The following GRM8 variants were observed in gnomAD, a reference collection of about 807,000 sequenced individuals.
GRM8 encodes the protein glutamate metabotropic receptor 8.
A neutral mutation model predicts 87.2 loss-of-function variants in GRM8; 47 were observed. The ratio of observed to expected loss-of-function variants is 0.54; its 90% CI spans 0.43 to 0.69. GRM8 has a LOEUF of 0.69. Ranked by LOEUF, GRM8 falls within the 30% of genes least tolerant of loss-of-function variation. The pLI is 0.00. For synonymous variants in GRM8, 396 were observed against 404.5 expected (o/e 0.98, Z 0.25); for missense variants, 1,019 against 1,139.2 (o/e 0.89, Z 1.52).
chr7:127,049,909 G>A (rs1396786937), intron 3 of GRM8, among the ~76,000 whole-genome samples: 1 of 152,166 alleles, frequency 6.6e-6, no homozygotes, highest in East Asian at 1.9e-4. Flanking sequence ...TTAGGAGAAA[G>A]AAGAAGTGGG....
At chr7:126,750,266 T>TA (rs1270541926) in intron 7 of GRM8, among the ~76,000 whole-genome samples, 2 of 152,138 alleles carry the variant, frequency 1.3e-5, no homozygotes, top group African/African-American at 2.4e-5. Context: ...TTTTTTAAAT[T>TA]AAAAAAATCT....
Position 127,218,103 on chromosome 7 carries a change from C to T in GRM8, c.510+24592G>A, listed in dbSNP as rs529572157. ...AATGCCCAGTTAATTCTTTCTTATTCACCCTCAAGGAGAGAACCACTACCT... is the reference window on the plus strand; with the variant it reads ...AATGCCCAGTTAATTCTTTCTTATTTACCCTCAAGGAGAGAACCACTACCT... On this transcript the variant is annotated intron_variant, in intron 2 of 10. Coordinates refer to ENST00000339582, the MANE Select transcript of GRM8 (RefSeq NM_000845.3). Among the ~76,000 whole-genome samples the T allele has an allele frequency of 2.0e-5, 3 of 152,332 alleles. No homozygotes were observed. In the South Asian group the frequency reaches 6.2e-4, roughly 32 times the overall value.
chr7:126,530,316 C>T (rs985984466), intron 9 of GRM8, among the ~76,000 whole-genome samples: 7 of 152,204 alleles, frequency 4.6e-5, no homozygotes, highest in African/African-American at 1.4e-4. Flanking sequence ...GTTGGAAATT[C>T]GGTGTCACCA....
intron 3 of GRM8, among the ~76,000 whole-genome samples, chr7:127,032,441 C>G (rs766518710): frequency 1.3e-3 from 203 of 152,224 alleles, no homozygotes; most frequent in Non-Finnish European, 1.3e-3. Context: ...GTCCACACCC[C>G]CATCAGGTCA....
intron 3 of GRM8, among the ~76,000 whole-genome samples, chr7:126,967,397 C>T (rs1014376527): frequency 2.0e-5 from 3 of 152,158 alleles, no homozygotes; most frequent in African/African-American, 7.2e-5. Flanking sequence ...CTATGACTCA[C>T]ATCATCAAAG....
At chr7:126,893,563 C>A (rs1801266801) in intron 6 of GRM8, among the ~76,000 whole-genome samples, 1 of 151,940 alleles carries the variant, frequency 6.6e-6, no homozygotes, top group African/African-American at 2.4e-5. Flanking sequence ...ACTATCTGGC[C>A]ATACATTATA....
chr7:126,633,656 T>C (rs1021739397), intron 7 of GRM8, among the ~76,000 whole-genome samples: 18 of 152,254 alleles, frequency 1.2e-4, no homozygotes, highest in African/African-American at 4.1e-4. Context: ...ACATATCTGT[T>C]TTTTTGAAAA....
rs150516560 is a variant in GRM8 at position 126,685,915 on chromosome 7, C to T, written c.1358-76417G>A. ...CGCATACCAGAAGGTGAACTCGTAG[C>T]GCTTTTCCCTGGGCCCTCGTGGGTG... On this transcript the variant is annotated intron_variant, in intron 7 of 10. Transcript: ENST00000339582. This position sits in a 1 kb window ranked among gnomAD's most constrained non-coding sequence, Gnocchi z 4.2. Among the ~76,000 whole-genome samples, 5 of 152,052 alleles carry T rather than the reference C, an allele frequency of 3.3e-5. No homozygotes were observed. Among genetic ancestry groups the T allele is most frequent in the East Asian group, 2.0e-4 (1 of 5,128 alleles).
At chr7:126,731,512 C>A (rs1448520626) in intron 7 of GRM8, among the ~76,000 whole-genome samples, 1 of 151,844 alleles carries the variant, frequency 6.6e-6, no homozygotes, top group Admixed American at 6.6e-5. Flanking sequence ...AAAAGAGAAA[C>A]AAAGTACCTA....
In GRM8 at chr7:126,526,827, C is replaced by T. The variant is rs1013764119; in HGVS notation, c.2430+6125G>A. 4.6e-5 allele frequency among the ~76,000 whole-genome samples: 7 copies of T among 152,340 alleles called. 1 individual carries two copies. Among genetic ancestry groups the T allele is most frequent in the Admixed American group, 2.0e-4 (3 of 15,304 alleles). ...ATGTGCCCTACATGAGAATTCCATG[C>T]TTCCTCTGAATCTTCACAAGCATAT... On this transcript the variant is annotated intron_variant, in intron 9 of 10. Transcript: ENST00000339582.
intron 6 of GRM8, among the ~76,000 whole-genome samples, chr7:126,777,373 C>T (rs975449302): frequency 7.2e-5 from 11 of 152,154 alleles, no homozygotes; most frequent in Non-Finnish European, 1.3e-4. Flanking sequence ...ACTTACCCAA[C>T]ATTGCAAAGT....
chr7:127,240,563 A>C (rs1798233384), intron 2 of GRM8, among the ~76,000 whole-genome samples: 2 of 152,168 alleles, frequency 1.3e-5, no homozygotes, highest in Admixed American at 1.3e-4. Flanking sequence ...CAGGAATTAC[A>C]ATGGTATTGA....
chr7:126,824,505 G>GT (rs1778065136), intron 6 of GRM8, among the ~76,000 whole-genome samples: 1 of 152,310 alleles, frequency 6.6e-6, no homozygotes, highest in East Asian at 1.9e-4. Context: ...AGGGAGCCTT[G>GT]TGAGTGGAGA....
intron 7 of GRM8, among the ~76,000 whole-genome samples, chr7:126,669,566 G>C (rs549493880): frequency 6.6e-6 from 1 of 152,292 alleles, no homozygotes; most frequent in Admixed American, 6.5e-5. Flanking sequence ...CTGCTTTTTG[G>C]GTTTTGAGAA....
chr7:126,525,088 A>G (rs1350152175), intron 9 of GRM8, among the ~76,000 whole-genome samples: 3 of 152,064 alleles, frequency 2.0e-5, no homozygotes, highest in African/African-American at 4.8e-5. Flanking sequence ...TTATAATGGG[A>G]GGACCAGGTT....
intron 8 of GRM8, among the ~76,000 whole-genome samples, chr7:126,604,827 CA>C (rs1386453732): frequency 3.9e-5 from 6 of 152,098 alleles, no homozygotes; most frequent in Non-Finnish European, 8.8e-5. Context: ...TGGAGTCATC[CA>C]CTGAAAATTA....
At chr7:127,121,711 G>T (rs926817264) in intron 2 of GRM8, among the ~76,000 whole-genome samples, 8 of 152,128 alleles carry the variant, frequency 5.3e-5, no homozygotes, top group African/African-American at 1.9e-4. Context: ...GAGAGAGAGT[G>T]CACGCAAAGG....
intron 9 of GRM8, among the ~76,000 whole-genome samples, chr7:126,458,695 G>C (rs1803546567): frequency 6.6e-6 from 1 of 150,912 alleles, no homozygotes; most frequent in Admixed American, 6.6e-5. Flanking sequence ...AGGTTATCCA[G>C]CAACAAAAAT....
chr7:127,250,729 G>C (rs530572971), intron 1 of GRM8: 8 of 152,312 alleles, frequency 5.3e-5, no homozygotes, highest in Admixed American at 5.2e-4. Flanking sequence ...TTATTCACAA[G>C]CAAGTGACCA....
Sources: allele counts gnomAD v4.1 joint callset (sites outside exome capture counted in the v4.1 genomes callset), GRCh38; gene constraint gnomAD v4.1.1; non-coding constraint Gnocchi (gnomAD v3.1); transcripts MANE v1.5; gene names NCBI Gene and HGNC (gene_info 2026-07-23, HGNC 2026-07-21).